Variants in NDST4 observed in about 807,000 individuals in gnomAD.
The protein encoded by NDST4 is N-heparan sulfate sulfotransferase 4.
NDST4 carries 63 observed loss-of-function variants against 100.8 expected under a neutral mutation model. The ratio of observed to expected loss-of-function variants is 0.62; its 90% CI spans 0.51 to 0.77. NDST4 has a LOEUF of 0.77. Ranked by LOEUF, NDST4 falls within the 30% of genes least tolerant of loss-of-function variation. The pLI is 0.00. For missense variants in NDST4, 943 were observed against 1,018.4 expected (o/e 0.93, Z 1.01); for synonymous variants, 377 against 361.8 (o/e 1.04, Z -0.48).
chr4:114,860,543 C>T (rs1167186552), intron 7 of NDST4, among the ~76,000 whole-genome samples: 1 of 152,140 alleles, frequency 6.6e-6, no homozygotes, highest in Admixed American at 6.6e-5. Flanking sequence ...CAACTTACCA[C>T]CAGCTGTAAA....
At chr4:114,899,547 A>G (rs534118789) in intron 6 of NDST4, among the ~76,000 whole-genome samples, 1 of 151,872 alleles carries the variant, frequency 6.6e-6, no homozygotes, top group East Asian at 1.9e-4. Context: ...TTTTTTAATC[A>G]TGAATGGGAG....
intron 12 of NDST4, 71 bp from the exon 13 acceptor site, chr4:114,829,963 A>T (rs1439436552): frequency 9.7e-7 from 1 of 1,029,296 alleles, no homozygotes; most frequent in Non-Finnish European, 1.5e-6. Context: ...CACCAATTGA[A>T]TAAAGGAAAT....
At chr4:115,005,134 A>C (rs1727385269) in intron 2 of NDST4, among the ~76,000 whole-genome samples, 1 of 152,054 alleles carries the variant, frequency 6.6e-6, no homozygotes, top group Non-Finnish European at 1.5e-5. Flanking sequence ...ATAATTCATC[A>C]CTCTTTCTAT....
intron 7 of NDST4, among the ~76,000 whole-genome samples, chr4:114,862,978 G>T (rs967551161): frequency 6.6e-6 from 1 of 151,936 alleles, no homozygotes; most frequent in Non-Finnish European, 1.5e-5. Context: ...CTATTTTAGG[G>T]ATTTCCAGAT....
At chr4:115,013,370 T>TATATATATACAC (rs74678897) in intron 2 of NDST4, among the ~76,000 whole-genome samples, 130 of 71,450 alleles carry the variant, frequency 1.8e-3, no homozygotes, top group Non-Finnish European at 2.2e-3. Flanking sequence ...TATATATATA[T>TATATATATACAC]ACACACACAT....
At chr4:114,917,968 TA>T (rs1560811603) in intron 6 of NDST4, among the ~76,000 whole-genome samples, 2 of 152,156 alleles carry the variant, frequency 1.3e-5, no homozygotes, top group African/African-American at 2.4e-5. Context: ...TTTATTACAT[TA>T]AAAATAATCA....
At chr4:114,868,264 C>A (rs1387494689) in intron 7 of NDST4, among the ~76,000 whole-genome samples, 3 of 152,096 alleles carry the variant, frequency 2.0e-5, no homozygotes, top group Non-Finnish European at 2.9e-5. Flanking sequence ...TCTATTCTAA[C>A]TCTCTAGCAT....
At chr4:114,851,681 G>A (rs1362808949) in intron 8 of NDST4, among the ~76,000 whole-genome samples, 13 of 152,082 alleles carry the variant, frequency 8.5e-5, no homozygotes, top group Non-Finnish European at 1.8e-4. Flanking sequence ...ATGCTGTAAG[G>A]GAGTTGGTAG....
chr4:115,100,157 G>GAGCAGGGAGAGAGGGATGAAT, intron 1 of NDST4, among the ~76,000 whole-genome samples: 1 of 152,178 alleles, frequency 6.6e-6, no homozygotes, highest in Admixed American at 6.6e-5. Flanking sequence ...ACAGGTTTGG[G>GAGCAGGGAGAGAGGGATGAAT]AGCAGGGAGA....
At chr4:115,060,751 A>G (rs1406964855) in intron 2 of NDST4, among the ~76,000 whole-genome samples, 1 of 151,944 alleles carries the variant, frequency 6.6e-6, no homozygotes, top group Non-Finnish European at 1.5e-5. Context: ...ACAAAAATAC[A>G]CACACACAGA....
At chr4:114,868,230 A>T (rs1724074874) in intron 7 of NDST4, among the ~76,000 whole-genome samples, 1 of 152,188 alleles carries the variant, frequency 6.6e-6, no homozygotes, top group Non-Finnish European at 1.5e-5. Context: ...ACTTTGTAAC[A>T]ATAACAGAAA....
Position 114,829,682 on chromosome 4 carries a change from A to G in NDST4, c.2499+108T>C, listed in dbSNP as rs1723152535. 14 of 669,560 alleles carry G rather than the reference A, an allele frequency of 2.1e-5. No homozygotes were observed. In the South Asian group the frequency reaches 2.9e-4, roughly 14 times the overall value. 41.5% of individuals were successfully genotyped at this position (669,560 alleles called of 1,614,324 possible). ...ATCCTCTAAGTATATAAAATTATTA[A>G]TTGCAAAGGAAGAGCAGAAAAAGGA... On this transcript the variant is annotated intron_variant, in intron 13 of 13. Coordinates refer to ENST00000264363, the MANE Select transcript of NDST4 (RefSeq NM_022569.3).
At chr4:114,850,918 T>C (rs1159451668) in intron 8 of NDST4, among the ~76,000 whole-genome samples, 1 of 152,122 alleles carries the variant, frequency 6.6e-6, no homozygotes, top group Non-Finnish European at 1.5e-5. Context: ...AAGTCTAAGG[T>C]CTCTAAGTCT....
intron 4 of NDST4, among the ~76,000 whole-genome samples, chr4:114,953,532 C>T (rs1198355382): frequency 6.6e-6 from 1 of 152,096 alleles, no homozygotes; most frequent in African/African-American, 2.4e-5. Context: ...ATTCCAAGAA[C>T]ACATCAGGAG....
intron 1 of NDST4, among the ~76,000 whole-genome samples, chr4:115,088,996 C>T (rs1729461008): frequency 6.6e-6 from 1 of 152,060 alleles, no homozygotes; most frequent in Admixed American, 6.6e-5. Context: ...AAGGCAGGAA[C>T]TGTGATTTAT....
intron 6 of NDST4, among the ~76,000 whole-genome samples, chr4:114,872,501 T>G (rs1724169978): frequency 6.6e-6 from 1 of 151,976 alleles, no homozygotes; most frequent in South Asian, 2.1e-4. Flanking sequence ...TGTGTCATAC[T>G]AGAATACTGA....
chr4:114,943,675 C>G (rs1040132769), intron 4 of NDST4, among the ~76,000 whole-genome samples: 1 of 151,942 alleles, frequency 6.6e-6, no homozygotes, highest in African/African-American at 2.4e-5. Context: ...ATTTGTTATT[C>G]CAAACAGTAT....
intron 2 of NDST4, among the ~76,000 whole-genome samples, chr4:115,022,119 CAT>C (rs201508045): frequency 1.6e-4 from 21 of 129,888 alleles, no homozygotes; most frequent in South Asian, 1.1e-3. Flanking sequence ...ATACACGTTC[CAT>C]ATATATATAC....
At chr4:114,900,691 A>C (rs551848419) in intron 6 of NDST4, among the ~76,000 whole-genome samples, 1 of 152,298 alleles carries the variant, frequency 6.6e-6, no homozygotes, top group Admixed American at 6.5e-5. Flanking sequence ...GTGAAGATAC[A>C]TTCTATAACA....
Sources: allele counts gnomAD v4.1 joint callset (sites outside exome capture counted in the v4.1 genomes callset), GRCh38; gene constraint gnomAD v4.1.1; transcripts MANE v1.5; gene names NCBI Gene and HGNC (gene_info 2026-07-23, HGNC 2026-07-21).